Variants in UNC5D observed in about 807,000 individuals in gnomAD.
UNC5D encodes the protein netrin receptor UNC5D.
A neutral mutation model predicts 105.4 loss-of-function variants in UNC5D; 39 were observed. The observed-to-expected ratio is 0.37, with a 90% CI of 0.29 to 0.48. The LOEUF (loss-of-function observed/expected upper bound fraction) is 0.48. UNC5D is among the 20% of genes least tolerant of loss of function. The probability of loss-of-function intolerance (pLI) is 0.98; values close to 1 mark genes in which losing one functional copy is unlikely to be tolerated. For synonymous variants in UNC5D, 452 were observed against 450.4 expected (o/e 1.00, Z -0.04); for missense variants, 991 against 1,202.4 (o/e 0.82, Z 2.60).
intron 14 of UNC5D, among the ~76,000 whole-genome samples, chr8:35,766,160 G>A (rs568232976): frequency 5.3e-5 from 8 of 152,178 alleles, no homozygotes; most frequent in African/African-American, 1.9e-4. Context: ...CCTGAGAGTA[G>A]GGGACTGAAT....
Position 35,683,633 on chromosome 8 carries a change from GC to G in UNC5D, c.658del (p.Gln220ArgfsTer32). ...TRADHNLIIR[Q>X]ARLSDSGNYT... ...GGGCTGACCATAACCTGATCATCAG[GC>G]AGGCACGGCTCTCGGACTCAGGAAA... On this transcript the variant is annotated frameshift_variant, in exon 5 of 17. Transcript: ENST00000404895. LOFTEE classifies it high-confidence loss of function. The G allele has an allele frequency of 6.3e-7, 1 of 1,581,824 alleles. No homozygotes were observed. The highest frequency in any genetic ancestry group is 8.6e-7 in the Non-Finnish European group (1 of 1,168,764).
intron 2 of UNC5D, among the ~76,000 whole-genome samples, chr8:35,555,714 T>C (rs1266673276): frequency 1.3e-5 from 2 of 151,712 alleles, no homozygotes; most frequent in Non-Finnish European, 2.9e-5. Flanking sequence ...TAGTCCCAGC[T>C]ACTCGGGAGG....
intron 4 of UNC5D, among the ~76,000 whole-genome samples, chr8:35,634,913 G>A (rs1018396329): frequency 6.6e-6 from 1 of 151,952 alleles, no homozygotes; most frequent in Non-Finnish European, 1.5e-5. Flanking sequence ...TTACAGGCAT[G>A]CACCACCATG....
intron 1 of UNC5D, among the ~76,000 whole-genome samples, chr8:35,303,474 A>G (rs972360929): frequency 6.6e-6 from 1 of 152,140 alleles, no homozygotes; most frequent in Non-Finnish European, 1.5e-5. Context: ...AGGTTTAGAT[A>G]ATTAGAATTA....
chr8:35,390,696 C>G (rs1803715805), intron 1 of UNC5D, among the ~76,000 whole-genome samples: 1 of 152,072 alleles, frequency 6.6e-6, no homozygotes, highest in Non-Finnish European at 1.5e-5. Flanking sequence ...CTAAATTTAC[C>G]AATGCATATA....
At chr8:35,494,761 G>A (rs946607839) in intron 1 of UNC5D, among the ~76,000 whole-genome samples, 20 of 152,054 alleles carry the variant, frequency 1.3e-4, no homozygotes, top group African/African-American at 3.4e-4. Flanking sequence ...AAATATATTC[G>A]TTATATTTTT....
At chr8:35,456,152 G>A (rs1166035661) in intron 1 of UNC5D, among the ~76,000 whole-genome samples, 1 of 152,160 alleles carries the variant, frequency 6.6e-6, no homozygotes, top group Non-Finnish European at 1.5e-5. Context: ...TCTGGAAAGA[G>A]TTTCATTAGA....
chr8:35,482,635 C>T (rs1279766839), intron 1 of UNC5D, among the ~76,000 whole-genome samples: 2 of 151,930 alleles, frequency 1.3e-5, no homozygotes, highest in Admixed American at 6.6e-5. Context: ...TAAGTATTTA[C>T]TTTGGTCTAG....
chr8:35,287,820 TAATA>T (rs917197431), intron 1 of UNC5D, among the ~76,000 whole-genome samples: 5 of 151,682 alleles, frequency 3.3e-5, no homozygotes, highest in Non-Finnish European at 7.4e-5. Context: ...AATGACTAAA[TAATA>T]AATAAATAAA....
At position 35,686,544 on chromosome 8, in the gene UNC5D, G is replaced by A. The variant is rs1187424072; in HGVS notation, c.920-1G>A. On this transcript the variant is annotated splice_acceptor_variant, in intron 6 of 16. Transcript: ENST00000404895. LOFTEE classifies it high-confidence loss of function. ...ATGGTTTCTTTTGTTTCCCTTTGAA[G>A]TGGATGGGAGCTGGGAAGTGTGGAG... The A allele has an allele frequency of 6.4e-7, 1 of 1,558,936 alleles. No individual in the cohort carries two copies. Among genetic ancestry groups the A allele is most frequent in the Non-Finnish European group, 8.6e-7 (1 of 1,160,788 alleles).
At chr8:35,633,893 C>T (rs1563614061) in intron 4 of UNC5D, among the ~76,000 whole-genome samples, 1 of 152,116 alleles carries the variant, frequency 6.6e-6, no homozygotes, top group Non-Finnish European at 1.5e-5. Flanking sequence ...AGTCACTTAC[C>T]CAAGAATCCT....
chr8:35,616,909 A>G (rs557466313), intron 4 of UNC5D, among the ~76,000 whole-genome samples: 5 of 152,160 alleles, frequency 3.3e-5, no homozygotes, highest in Admixed American at 6.5e-5. Flanking sequence ...ATTAGCGGCA[A>G]TAAACAGTCT....
intron 1 of UNC5D, among the ~76,000 whole-genome samples, chr8:35,447,892 C>T (rs1274873529): frequency 6.6e-6 from 1 of 152,026 alleles, no homozygotes; most frequent in Admixed American, 6.6e-5. Context: ...AACAGGAGAA[C>T]TTCTGAAGGT....
chr8:35,772,745 A>G (rs1225540250), intron 15 of UNC5D, among the ~76,000 whole-genome samples: 1 of 151,988 alleles, frequency 6.6e-6, no homozygotes, highest in African/African-American at 2.4e-5. Flanking sequence ...TTATTATGTC[A>G]TAAGACTGAA....
intron 1 of UNC5D, among the ~76,000 whole-genome samples, chr8:35,415,044 C>T (rs1221199281): frequency 6.6e-6 from 1 of 152,048 alleles, no homozygotes; most frequent in Non-Finnish European, 1.5e-5. Context: ...AGGTCTAAAT[C>T]AGAATTTTGT....
chr8:35,436,931 AT>A (rs1185288901), intron 1 of UNC5D, among the ~76,000 whole-genome samples: 1 of 152,104 alleles, frequency 6.6e-6, no homozygotes, highest in African/African-American at 2.4e-5. Context: ...ACTTTTAAAT[AT>A]GTTTAATAGC....
At chr8:35,510,959 A>T (rs553041781) in intron 1 of UNC5D, among the ~76,000 whole-genome samples, 33 of 152,334 alleles carry the variant, frequency 2.2e-4, no homozygotes, top group South Asian at 4.1e-4. Context: ...AAGGCCAATT[A>T]TATAGCAAAG....
At chr8:35,528,843 CT>C (rs1223988834) in intron 1 of UNC5D, among the ~76,000 whole-genome samples, 1 of 149,912 alleles carries the variant, frequency 6.7e-6, no homozygotes, top group African/African-American at 2.5e-5. Context: ...GCATAAATGT[CT>C]TCTTTTGAGA....
chr8:35,533,936 A>G (rs1048907721), intron 1 of UNC5D, among the ~76,000 whole-genome samples: 1 of 151,978 alleles, frequency 6.6e-6, no homozygotes, highest in African/African-American at 2.4e-5. Flanking sequence ...ACTGGCCTGC[A>G]CCCACTGTCT....
Sources: allele counts gnomAD v4.1 joint callset (sites outside exome capture counted in the v4.1 genomes callset), GRCh38; gene constraint gnomAD v4.1.1; transcripts MANE v1.5; gene names NCBI Gene and HGNC (gene_info 2026-07-23, HGNC 2026-07-21).